The following DNAJB6 variants were observed in gnomAD, a reference collection of about 807,000 sequenced individuals.
The protein encoded by DNAJB6 is DnaJ heat shock protein family (Hsp40) member B6, also known as dnaJ homolog subfamily B member 6.
DNAJB6 carries 16 observed loss-of-function variants against 42.7 expected under a neutral mutation model. The ratio of observed to expected loss-of-function variants is 0.37; its 90% CI spans 0.25 to 0.57. DNAJB6 has a LOEUF of 0.57. Ranked by LOEUF, DNAJB6 falls within the 20% of genes least tolerant of loss-of-function variation. The pLI, the probability that DNAJB6 is intolerant of heterozygous loss-of-function variation, is 0.74. For synonymous variants in DNAJB6, 170 were observed against 163.5 expected (o/e 1.04, Z -0.30); for missense variants, 347 against 416.8 (o/e 0.83, Z 1.46).
chr7:157,404,951 T>TA (rs1042865450), intron 8 of DNAJB6, among the ~76,000 whole-genome samples: 1 of 152,198 alleles, frequency 6.6e-6, no homozygotes, highest in Non-Finnish European at 1.5e-5. Context: ...GCAGTGTTTT[T>TA]AAAAGGATTG....
chr7:157,374,982 C>T (rs779825169), intron 5 of DNAJB6, among the ~76,000 whole-genome samples: 34 of 152,142 alleles, frequency 2.2e-4, no homozygotes, highest in Non-Finnish European at 3.8e-4. Flanking sequence ...GATTTTGGTC[C>T]CTGGTCAACT....
At chr7:157,357,207 C>T (rs1409849004) in intron 1 of DNAJB6, among the ~76,000 whole-genome samples, 1 of 124,508 alleles carries the variant, frequency 8.0e-6, no homozygotes, top group African/African-American at 3.0e-5. Context: ...CTTTGTGATA[C>T]TGTTGTCCTT....
intron 1 of DNAJB6, among the ~76,000 whole-genome samples, chr7:157,356,664 CTT>C (rs1799293645): frequency 6.6e-6 from 1 of 152,104 alleles, no homozygotes; most frequent in African/African-American, 2.4e-5. Flanking sequence ...AATATTTTAT[CTT>C]TGTTTTATTA....
At chr7:157,392,920 C>T (rs956735330) in intron 8 of DNAJB6, among the ~76,000 whole-genome samples, 9 of 152,144 alleles carry the variant, frequency 5.9e-5, no homozygotes, top group African/African-American at 1.7e-4. Flanking sequence ...GAAGTCGGTA[C>T]GCCTTACATT....
At chr7:157,396,643 C>T (rs1801597468) in intron 8 of DNAJB6, among the ~76,000 whole-genome samples, 3 of 152,286 alleles carry the variant, frequency 2.0e-5, no homozygotes, top group Admixed American at 2.0e-4. Flanking sequence ...TCTCTGCTGC[C>T]CTCTGGGGTA....
chr7:157,364,159 T>A (rs1369632879), intron 3 of DNAJB6, among the ~76,000 whole-genome samples: 1 of 151,960 alleles, frequency 6.6e-6, no homozygotes, highest in East Asian at 1.9e-4. Context: ...GAGCCGAGAT[T>A]GCGCCACTGC....
intron 9 of DNAJB6, chr7:157,415,264 T>C (rs1257761049): frequency 6.6e-6 from 1 of 152,180 alleles, no homozygotes. Context: ...AATCCAGAGG[T>C]GTTTATTTCT....
rs1215501940 is a variant in DNAJB6 at position 157,416,074 on chromosome 7, G to A, written c.957G>A (p.Lys319=). 1 of 1,614,132 alleles carries A rather than the reference G, an allele frequency of 6.2e-7. No individual in the cohort carries two copies. The highest frequency in any genetic ancestry group is 2.2e-5 in the East Asian group (1 of 44,888). ...AGCAGAGAGAGGAGTCGAAGAAGAA[G>A]AAGTCGACCAAAGGCAATCACTAGA... is the stretch of plus-strand genomic sequence containing the variant. The part of the protein sequence containing the change: ...KQKQREESKK[K]KSTKGNH The change falls in exon 10 of 10, where the codon AAG becomes AAA. Residue 319 remains lysine (K), a synonymous_variant. Transcript: ENST00000262177.
intron 8 of DNAJB6, among the ~76,000 whole-genome samples, chr7:157,401,433 A>G (rs1273133885): frequency 2.0e-5 from 3 of 150,890 alleles, no homozygotes; most frequent in Non-Finnish European, 4.4e-5. Flanking sequence ...CTGGTCTTGA[A>G]CTCCTGACCT....
At chr7:157,395,238 T>C (rs569289457) in intron 8 of DNAJB6, among the ~76,000 whole-genome samples, 52 of 151,808 alleles carry the variant, frequency 3.4e-4, no homozygotes, top group African/African-American at 1.2e-3. Context: ...TGGGGGGGGG[T>C]TGGTGCTGGG....
chr7:157,401,124 A>G (rs1177843243), intron 8 of DNAJB6, among the ~76,000 whole-genome samples: 1 of 152,170 alleles, frequency 6.6e-6, no homozygotes, highest in East Asian at 1.9e-4. Context: ...CACCTCCTGC[A>G]GGGCTTACTG....
chr7:157,374,733 A>G (rs570915983), intron 5 of DNAJB6, among the ~76,000 whole-genome samples: 2 of 152,118 alleles, frequency 1.3e-5, no homozygotes, highest in African/African-American at 4.8e-5. Context: ...TCATTTTGAG[A>G]ATTTTCTGTG....
chr7:157,415,915 TTTTTGTTC>T, intron 9 of DNAJB6, 93 bp from the exon 10 acceptor site: 1 of 1,594,008 alleles, frequency 6.3e-7, no homozygotes, highest in East Asian at 2.2e-5. Flanking sequence ...ATTTTGTTGC[TTTTTGTTC>T]TTAACATGGG....
At chr7:157,386,981 T>TAGTGAATATTGAACTAG (rs571024604) in intron 8 of DNAJB6, among the ~76,000 whole-genome samples, 2,840 of 152,234 alleles carry the variant, frequency 0.019, 30 homozygotes, top group Non-Finnish European at 0.03. Context: ...ATCCTAGCTG[T>TAGTGAATATTGAACTAG]AGTGAATATT....
In DNAJB6 at chr7:157,363,223, A is replaced by G; in HGVS notation, c.128A>G (p.Glu43Gly). The change falls in exon 3 of 10, where the codon GAG becomes GGG. Residue 43 changes from glutamate (E) to glycine (G), a missense_variant. Coordinates refer to ENST00000262177, the MANE Select transcript of DNAJB6 (RefSeq NM_058246.4). Reference sequence around the variant, plus strand: ...AATCCTGAGAATAAAGAAGAAGCAGAGAGAAAATTCAAGCAAGTAGCGGAG... The same window carrying G: ...AATCCTGAGAATAAAGAAGAAGCAGGGAGAAAATTCAAGCAAGTAGCGGAG... The part of the protein sequence containing the change: ...DKNPENKEEA[E>G]RKFKQVAEAY... 6.2e-7 allele frequency: 1 copy of G among 1,612,034 alleles called. No individual in the cohort carries two copies.
chr7:157,408,027 C>T (rs188504512), intron 8 of DNAJB6, among the ~76,000 whole-genome samples: 6 of 152,286 alleles, frequency 3.9e-5, no homozygotes, highest in Admixed American at 2.0e-4. Flanking sequence ...GTCATAGAAT[C>T]GCAGACAGCA....
chr7:157,394,954 G>C lies in DNAJB6; in HGVS notation c.691+9343G>C, dbSNP rs181015781. Among the ~76,000 whole-genome samples the C allele has an allele frequency of 6.6e-5, 10 of 152,248 alleles. No individual in the cohort carries two copies. The East Asian group carries it at 1.9e-3, about 29-fold the overall frequency. On this transcript the variant is annotated intron_variant, in intron 8 of 9. Transcript: ENST00000262177. ...AGAATAGAAAATATTAGCCTGGCTT[G>C]GGGGTGCACGCCTCTAGTCCCAGCT...
At chr7:157,397,726 T>TTAAATGTTTGAATGAGCCCATCTTCTG in intron 8 of DNAJB6, among the ~76,000 whole-genome samples, 1 of 152,202 alleles carries the variant, frequency 6.6e-6, no homozygotes, top group Non-Finnish European at 1.5e-5. Context: ...CACCTCTTCA[T>TTAAATGTTTGAATGAGCCCATCTTCTG]AAGTAGCCAT....
At chr7:157,372,747 A>G (rs376292628) in intron 5 of DNAJB6, among the ~76,000 whole-genome samples, 2 of 152,108 alleles carry the variant, frequency 1.3e-5, no homozygotes, top group East Asian at 3.9e-4. Context: ...TTAAACTACC[A>G]AAATGTACCA....
Sources: allele counts gnomAD v4.1 joint callset (sites outside exome capture counted in the v4.1 genomes callset), GRCh38; gene constraint gnomAD v4.1.1; transcripts MANE v1.5; gene names NCBI Gene and HGNC (gene_info 2026-07-23, HGNC 2026-07-21).